SEMA4D: variants seen among roughly 807,000 people sequenced by gnomAD.
The protein encoded by SEMA4D is semaphorin-4D.
Under a neutral mutation model 74.8 loss-of-function variants are expected in SEMA4D, and 22 were observed. The observed-to-expected ratio is 0.29, with a 90% CI of 0.21 to 0.42. SEMA4D has a LOEUF of 0.42. SEMA4D is among the 10% of genes least tolerant of loss of function. The probability of loss-of-function intolerance (pLI) is 1.00; values close to 1 mark genes in which losing one functional copy is unlikely to be tolerated. For synonymous variants in SEMA4D, 445 were observed against 463.7 expected, an observed-to-expected ratio of 0.96 and a Z score of 0.52; for missense variants, 937 against 1,118.4, an observed-to-expected ratio of 0.84 and a Z score of 2.31.
intron 1 of SEMA4D, 43 bp from the exon 2 acceptor site, chr9:89,455,996 T>C (rs1855838716): frequency 6.6e-6 from 1 of 152,252 alleles, no homozygotes; most frequent in African/African-American, 2.4e-5. Context: ...CAGGATAAAC[T>C]ACCAGATTCC....
rs1210849607 is a variant in SEMA4D at position 89,450,659 on chromosome 9, GGAAAA to G, written c.-244+5224_-244+5228del. The G allele has an allele frequency of 9.4e-3, 3,960 of 419,536 alleles. 278 individuals carry two copies. The highest frequency in any genetic ancestry group is 0.014 in the African/African-American group (464 of 32,522). The allele number at this position is 419,536 out of a possible 1,614,324, so 26.0% of individuals were successfully genotyped here. A position where few individuals can be genotyped will look rare whatever the true frequency, so the allele number is the denominator to read the frequency against. Reference sequence around the variant, plus strand: ...AGAGTTCTGCAAGTCGAAAAACCCAGGAAAAAAAAAAAAAAAAAAAAAAAAAAAGG... The same window carrying G: ...AGAGTTCTGCAAGTCGAAAAACCCAGAAAAAAAAAAAAAAAAAAAAAAAGG... On this transcript the variant is annotated intron_variant, in intron 2 of 15. Transcript: ENST00000422704.
Position 89,379,638 on chromosome 9 carries a change from T to G in SEMA4D, c.1664-9A>C, listed in dbSNP as rs1177285004. On this transcript the variant is annotated splice_polypyrimidine_tract_variant and intron_variant, in intron 15 of 15. Coordinates refer to ENST00000422704, the MANE Select transcript of SEMA4D (RefSeq NM_001371194.2). ...ACTTCCTTTACTTTTATCTGGAACA[T>G]CAAAATAAACGTGCACAGCGTCAAC... is the stretch of plus-strand genomic sequence containing the variant. 1 of 1,598,732 alleles carries G rather than the reference T, an allele frequency of 6.3e-7. No homozygotes were observed. Among genetic ancestry groups the G allele is most frequent in the Non-Finnish European group, 8.5e-7 (1 of 1,170,756 alleles).
chr9:89,459,394 T>C (rs894700577), intron 1 of SEMA4D, among the ~76,000 whole-genome samples: 2 of 152,236 alleles, frequency 1.3e-5, no homozygotes, highest in African/African-American at 4.8e-5. Context: ...TGCTTTTTGC[T>C]TCTTTTGTGT....
chr9:89,452,190 T>TG (rs34585614), intron 2 of SEMA4D, among the ~76,000 whole-genome samples: 32 of 149,884 alleles, frequency 2.1e-4, no homozygotes, highest in African/African-American at 7.9e-4. Context: ...TTGTTTTTTT[T>TG]TTTTTTGAGA....
chr9:89,439,204 ACTC>A lies in SEMA4D; in HGVS notation c.-244+16681_-244+16683del, dbSNP rs577039211. On this transcript the variant is annotated intron_variant, in intron 2 of 15. Transcript: ENST00000422704. Reference sequence around the variant, plus strand: ...ACCATGTTGGCCAGGCTGGTCTCAAACTCCTAACCTCATGATCCGCCCACCTTG... The same window carrying A: ...ACCATGTTGGCCAGGCTGGTCTCAAACTAACCTCATGATCCGCCCACCTTG... Among the ~76,000 whole-genome samples, 1,159 of 149,494 alleles carry A rather than the reference ACTC, an allele frequency of 7.8e-3. 9 individuals are homozygous for A. Among genetic ancestry groups the A allele is most frequent in the Non-Finnish European group, 0.013 (857 of 67,340 alleles).
At chr9:89,481,329 G>A (rs905131645) in intron 1 of SEMA4D, among the ~76,000 whole-genome samples, 1 of 152,212 alleles carries the variant, frequency 6.6e-6, no homozygotes, top group African/African-American at 2.4e-5. Flanking sequence ...CTGGTTCAGG[G>A]GCCCCTTCTC....
chr9:89,483,465 G>T (rs1824879671), intron 1 of SEMA4D, among the ~76,000 whole-genome samples: 1 of 152,184 alleles, frequency 6.6e-6, no homozygotes, highest in Non-Finnish European at 1.5e-5. Context: ...GGAAAATCAA[G>T]CGGTAGAGGA....
intron 2 of SEMA4D, chr9:89,449,500 G>C: frequency 1.3e-6 from 1 of 743,312 alleles, no homozygotes. Flanking sequence ...CTGTGGCTGG[G>C]AAGGGAGGCA....
At chr9:89,375,709 C>T (rs1360486710), downstream of SEMA4D, among the ~76,000 whole-genome samples, 3 of 152,226 alleles carry the variant, frequency 2.0e-5, no homozygotes, top group Admixed American at 6.5e-5. Flanking sequence ...AGGGCTACCA[C>T]GCACTGCCTG....
rs1843172142 is a variant in SEMA4D, at chr9:89,405,702, G to A, written c.-243-3C>T. 1.4e-6 allele frequency: 2 copies of A among 1,406,060 alleles called. No individual in the cohort carries two copies. Among genetic ancestry groups the A allele is most frequent in the Admixed American group, 3.0e-5 (1 of 33,520 alleles). 87.1% of individuals were successfully genotyped at this position (1,406,060 alleles called of 1,614,324 possible). A position where few individuals can be genotyped will look rare whatever the true frequency, so the allele number is the denominator to read the frequency against. On this transcript the variant is annotated splice_region_variant and splice_polypyrimidine_tract_variant and intron_variant, in intron 2 of 15. Coordinates refer to ENST00000422704, the MANE Select transcript of SEMA4D (RefSeq NM_001371194.2). Reference sequence around the variant, plus strand: ...TCTTCAGGGCCTCAGAAGAAATGCTGGAAGGACATGAGAAAGAAAAGGCAG... The same window carrying A: ...TCTTCAGGGCCTCAGAAGAAATGCTAGAAGGACATGAGAAAGAAAAGGCAG...
At chr9:89,376,690 G>A (rs1835832641), downstream of SEMA4D, 9 of 1,242,534 alleles carry the variant, frequency 7.2e-6, no homozygotes, top group South Asian at 5.1e-5. Flanking sequence ...AGCGTGAAAC[G>A]GCTCAACCCG....
intron 1 of SEMA4D, among the ~76,000 whole-genome samples, chr9:89,459,041 G>T (rs1384705012): frequency 6.6e-6 from 1 of 152,176 alleles, no homozygotes; most frequent in East Asian, 1.9e-4. Flanking sequence ...CTGCAGCCCA[G>T]CATTCCCACC....
intron 2 of SEMA4D, among the ~76,000 whole-genome samples, chr9:89,439,899 A>G (rs1451564540): frequency 6.6e-6 from 1 of 152,228 alleles, no homozygotes; most frequent in Non-Finnish European, 1.5e-5. Context: ...CTTAGTGTCA[A>G]TTTAAGCATT....
chr9:89,410,922 A>G (rs1197404365), intron 2 of SEMA4D, among the ~76,000 whole-genome samples: 1 of 152,228 alleles, frequency 6.6e-6, no homozygotes, highest in Non-Finnish European at 1.5e-5. Flanking sequence ...CAAATTATCA[A>G]TCAGTATGAG....
Position 89,427,690 on chromosome 9 carries a change from C to T in SEMA4D, c.-243-21991G>A, listed in dbSNP as rs536185496. Among the ~76,000 whole-genome samples, 7 of 148,644 alleles carry T rather than the reference C, an allele frequency of 4.7e-5. No homozygotes were observed. In the East Asian group the frequency reaches 7.7e-4, roughly 16 times the overall value. On this transcript the variant is annotated intron_variant, in intron 2 of 15. Transcript: ENST00000422704. ...GCTGACTTCAAAGTGCCCAAGCCTA[C>T]GGGGCTACGGCCCTGCAAAGTCCCA...
At chr9:89,485,788 C>CAAAAA (rs56056536) in intron 1 of SEMA4D, among the ~76,000 whole-genome samples, 6 of 76,846 alleles carry the variant, frequency 7.8e-5, no homozygotes, top group Non-Finnish European at 1.2e-4. Context: ...AACTCCATCT[C>CAAAAA]AAAAAAAAAA....
intron 1 of SEMA4D, among the ~76,000 whole-genome samples, chr9:89,494,226 G>GT (rs2136294631): frequency 6.6e-6 from 1 of 152,336 alleles, no homozygotes; most frequent in East Asian, 1.9e-4. Context: ...ATAATTCCTT[G>GT]TAACAGAAAC....
At chr9:89,496,923 G>A (rs10908892) in intron 1 of SEMA4D, among the ~76,000 whole-genome samples, 2 of 152,174 alleles carry the variant, frequency 1.3e-5, no homozygotes, top group South Asian at 2.1e-4. Context: ...CAGGCCCCAC[G>A]TCCAGCTTGG....
At chr9:89,411,787 C>T (rs150810717) in intron 2 of SEMA4D, among the ~76,000 whole-genome samples, 2,903 of 152,294 alleles carry the variant, frequency 0.019, 38 homozygotes, top group Non-Finnish European at 0.03. Flanking sequence ...CTGTGCAGAG[C>T]CTGGGTCCCT....
Sources: allele counts gnomAD v4.1 joint callset (sites outside exome capture counted in the v4.1 genomes callset), GRCh38; gene constraint gnomAD v4.1.1; transcripts MANE v1.5; gene names NCBI Gene and HGNC (gene_info 2026-07-23, HGNC 2026-07-21).